PINX1: variants seen among roughly 807,000 people sequenced by gnomAD.
The protein encoded by PINX1 is PIN2 (TERF1) interacting telomerase inhibitor 1, also known as PIN2/TERF1-interacting telomerase inhibitor 1.
Under a neutral mutation model 25.4 loss-of-function variants are expected in PINX1, and 34 were observed. That is an observed-to-expected ratio of 1.34 (90% CI 1.02 to 1.78). The LOEUF (loss-of-function observed/expected upper bound fraction) is 1.78. PINX1 is among the 40% of genes most tolerant of loss of function. The pLI is 0.00. For missense variants in PINX1, 592 were observed against 404.9 expected (o/e 1.46, Z -3.97); for synonymous variants, 197 against 147.7 (o/e 1.33, Z -2.42).
chr8:10,835,078 T>C (rs1396816191), intron 1 of PINX1, among the ~76,000 whole-genome samples: 1 of 152,186 alleles, frequency 6.6e-6, no homozygotes, highest in Non-Finnish European at 1.5e-5. Flanking sequence ...TACTCCGCCA[T>C]CAGCACAACT....
intron 5 of PINX1, among the ~76,000 whole-genome samples, chr8:10,825,595 G>T (rs1208800829): frequency 6.6e-6 from 1 of 152,196 alleles, no homozygotes; most frequent in Non-Finnish European, 1.5e-5. Flanking sequence ...GAAGGAATAG[G>T]AATTCTCACC....
chr8:10,782,299 T>C (rs1406918684), intron 6 of PINX1, among the ~76,000 whole-genome samples: 1 of 152,100 alleles, frequency 6.6e-6, no homozygotes, highest in Admixed American at 6.5e-5. Context: ...CTAATAACAG[T>C]GTACTGTGTC....
At position 10,765,868 on chromosome 8, in the gene PINX1, T is replaced by G. The variant is rs1174776901; in HGVS notation, c.520A>C (p.Ser174Arg). ...AAGTACTCCTGGATGGTGAAGGCGCTGGTTGTCGTGGTTTCGTTCTCCTCT... is the reference window on the plus strand; with the variant it reads ...AAGTACTCCTGGATGGTGAAGGCGCGGGTTGTCGTGGTTTCGTTCTCCTCT... Reference protein sequence around the residue: ...TPEENETTTTSAFTIQEYFAK... With the variant: ...TPEENETTTTRAFTIQEYFAK... The change falls in exon 7 of 7, where the codon AGC (serine) becomes CGC (arginine). Residue 174 changes from serine (S) to arginine (R), a missense_variant. Ser to Arg is a moderately radical substitution (Grantham distance 110). Transcript: ENST00000314787. 1 of 1,613,804 alleles carries G rather than the reference T, an allele frequency of 6.2e-7. No homozygotes were observed. The highest frequency in any genetic ancestry group is 8.5e-7 in the Non-Finnish European group (1 of 1,179,892).
chr8:10,781,707 G>C (rs1326277404), intron 6 of PINX1, among the ~76,000 whole-genome samples: 1 of 152,186 alleles, frequency 6.6e-6, no homozygotes, highest in African/African-American at 2.4e-5. Flanking sequence ...CAAGAGTGTG[G>C]AGAAACAGGA....
chr8:10,791,944 C>T (rs957858088), intron 6 of PINX1, among the ~76,000 whole-genome samples: 2 of 152,204 alleles, frequency 1.3e-5, no homozygotes, highest in African/African-American at 4.8e-5. Context: ...CATGCCCCAT[C>T]TCAGTCTCTC....
chr8:10,806,532 T>C (rs542516851), intron 6 of PINX1, among the ~76,000 whole-genome samples: 20 of 152,306 alleles, frequency 1.3e-4, no homozygotes, highest in Admixed American at 2.6e-4. Context: ...AAATGATGGA[T>C]GAGAAAAGGG....
intron 6 of PINX1, among the ~76,000 whole-genome samples, chr8:10,781,800 A>T (rs952514830): frequency 3.9e-5 from 6 of 152,212 alleles, no homozygotes. Flanking sequence ...AATTAAAAAT[A>T]CAATTACTGT....
At chr8:10,788,123 T>C (rs1286483820) in intron 6 of PINX1, among the ~76,000 whole-genome samples, 2 of 152,044 alleles carry the variant, frequency 1.3e-5, no homozygotes, top group Non-Finnish European at 2.9e-5. Context: ...GCTTCAGTAA[T>C]GGGAAAGAGG....
In PINX1 at chr8:10,800,469, AC is replaced by A. The variant is rs1331526402; in HGVS notation, c.471+19723del. 6.1e-5 allele frequency among the ~76,000 whole-genome samples: 9 copies of A among 146,950 alleles called. No homozygotes were observed. The Admixed American group carries it at 6.4e-4, about 10-fold the overall frequency. On this transcript the variant is annotated intron_variant, in intron 6 of 6. Transcript: ENST00000314787. ...ATTTACATGATCTGACTGAGAATAA[AC>A]TTTTTTTTTTTTTTTTTGAGAGCAA...
chr8:10,767,368 A>AGT (rs1004550223), intron 6 of PINX1, among the ~76,000 whole-genome samples: 1 of 152,202 alleles, frequency 6.6e-6, no homozygotes, highest in African/African-American at 2.4e-5. Flanking sequence ...TTGGGCCTTC[A>AGT]GTGGCAAGTG....
At chr8:10,769,650 C>T (rs1801164244) in intron 6 of PINX1, among the ~76,000 whole-genome samples, 1 of 152,198 alleles carries the variant, frequency 6.6e-6, no homozygotes, top group African/African-American at 2.4e-5. Flanking sequence ...CCAACTCTTG[C>T]TGCAACCTGA....
At chr8:10,823,975 T>G (rs929358986) in intron 5 of PINX1, among the ~76,000 whole-genome samples, 1 of 152,260 alleles carries the variant, frequency 6.6e-6, no homozygotes, top group Non-Finnish European at 1.5e-5. Flanking sequence ...TTTGATTTCC[T>G]GGACGATACA....
chr8:10,788,825 G>C (rs1396414902), intron 6 of PINX1, among the ~76,000 whole-genome samples: 1 of 152,116 alleles, frequency 6.6e-6, no homozygotes, highest in African/African-American at 2.4e-5. Flanking sequence ...CAAAGCGGTG[G>C]GTTTCCCTTA....
At chr8:10,809,774 A>G (rs1485268059) in intron 6 of PINX1, among the ~76,000 whole-genome samples, 7 of 152,254 alleles carry the variant, frequency 4.6e-5, no homozygotes, top group Admixed American at 1.3e-4. Flanking sequence ...CTATGCAATC[A>G]CACACTTTAT....
At chr8:10,825,720 G>A (rs1302884246) in intron 5 of PINX1, among the ~76,000 whole-genome samples, 1 of 152,212 alleles carries the variant, frequency 6.6e-6, no homozygotes, top group African/African-American at 2.4e-5. Flanking sequence ...TTATCACACT[G>A]GAGGTATCAA....
At chr8:10,827,910 CAA>C (rs35913986) in intron 4 of PINX1, among the ~76,000 whole-genome samples, 21 of 82,284 alleles carry the variant, frequency 2.6e-4, no homozygotes, top group African/African-American at 6.7e-4. Flanking sequence ...GACTCCATCT[CAA>C]AAAAAAAAAA....
chr8:10,818,729 A>C (rs1010297961), intron 6 of PINX1, among the ~76,000 whole-genome samples: 1 of 152,042 alleles, frequency 6.6e-6, no homozygotes, highest in African/African-American at 2.4e-5. Context: ...GTTGATACAA[A>C]GGCTCAGGGT....
intron 6 of PINX1, among the ~76,000 whole-genome samples, chr8:10,779,643 G>A (rs1410554671): frequency 1.3e-5 from 2 of 152,186 alleles, no homozygotes; most frequent in Non-Finnish European, 2.9e-5. Flanking sequence ...ATATTTTAAT[G>A]CTTTTATTTC....
At chr8:10,781,359 A>C (rs112924247) in intron 6 of PINX1, among the ~76,000 whole-genome samples, 199 of 152,360 alleles carry the variant, frequency 1.3e-3, no homozygotes, top group African/African-American at 4.7e-3. Flanking sequence ...GACTACATCA[A>C]ACTAAAAAGC....
Sources: allele counts gnomAD v4.1 joint callset (sites outside exome capture counted in the v4.1 genomes callset), GRCh38; gene constraint gnomAD v4.1.1; transcripts MANE v1.5; gene names NCBI Gene and HGNC (gene_info 2026-07-23, HGNC 2026-07-21).